Variants in KIAA1549L observed in about 807,000 individuals in gnomAD.
KIAA1549L encodes KIAA1549 like, also known as UPF0606 protein KIAA1549L.
KIAA1549L carries 88 observed loss-of-function variants against 160.7 expected under a neutral mutation model. That is an observed-to-expected ratio of 0.55 (90% CI 0.46 to 0.65). The LOEUF (loss-of-function observed/expected upper bound fraction) is 0.65. KIAA1549L is among the 30% of genes least tolerant of loss of function. The probability of loss-of-function intolerance (pLI) is 0.00; values close to 1 mark genes in which losing one functional copy is unlikely to be tolerated. For missense variants in KIAA1549L, 2,258 were observed against 2,437.5 expected, an observed-to-expected ratio of 0.93 and a Z score of 1.55; for synonymous variants, 950 against 976.7, an observed-to-expected ratio of 0.97 and a Z score of 0.51.
intron 13 of KIAA1549L, among the ~76,000 whole-genome samples, chr11:33,601,372 G>C (rs973764610): frequency 6.6e-6 from 1 of 152,042 alleles, no homozygotes; most frequent in Non-Finnish European, 1.5e-5. Flanking sequence ...ACATACACTT[G>C]TTGTTTTTAT....
chr11:33,589,276 G>T (rs1849973796), intron 11 of KIAA1549L, among the ~76,000 whole-genome samples: 5 of 152,162 alleles, frequency 3.3e-5, no homozygotes, highest in Admixed American at 3.3e-4. Flanking sequence ...TGCTGGAGAG[G>T]ATATGGAGAA....
intron 16 of KIAA1549L, among the ~76,000 whole-genome samples, chr11:33,643,917 A>T (rs754236853): frequency 7.9e-5 from 12 of 152,174 alleles, no homozygotes; most frequent in Admixed American, 3.3e-4. Context: ...GCTTTCAGGG[A>T]GCACATTTCC....
chr11:33,407,164 A>G (rs1850679477), intron 1 of KIAA1549L, among the ~76,000 whole-genome samples: 2 of 137,192 alleles, frequency 1.5e-5, no homozygotes, highest in South Asian at 4.5e-4. Flanking sequence ...GGCTCACTAC[A>G]AACTCCGCCT....
chr11:33,600,049 C>T (rs1269845458), intron 13 of KIAA1549L, among the ~76,000 whole-genome samples: 2 of 151,810 alleles, frequency 1.3e-5, no homozygotes, highest in East Asian at 1.9e-4. Flanking sequence ...AAAGAAATAA[C>T]GACACATGGA....
Position 33,588,411 on chromosome 11 carries a change from T to C in KIAA1549L, c.4567-2826T>C, listed in dbSNP as rs553876176. On this transcript the variant is annotated intron_variant, in intron 11 of 20. Transcript: ENST00000658780. Reference sequence around the variant, plus strand: ...CCTTGCCAAAGCATTTGGGGAGACATTCAAGGCCCTTCATATTTTAAATGA... The same window carrying C: ...CCTTGCCAAAGCATTTGGGGAGACACTCAAGGCCCTTCATATTTTAAATGA... 1.7e-4 allele frequency among the ~76,000 whole-genome samples: 26 copies of C among 152,208 alleles called. No individual in the cohort carries two copies. In the South Asian group the frequency reaches 3.5e-3, roughly 21 times the overall value.
At chr11:33,618,820 G>C (rs78390056) in intron 16 of KIAA1549L, among the ~76,000 whole-genome samples, 158 bp downstream of exon 16, 2 of 152,206 alleles carry the variant, frequency 1.3e-5, no homozygotes, top group Non-Finnish European at 2.9e-5. Context: ...TGCAAAGTAG[G>C]ACTACTTGGA....
chr11:33,465,842 C>T (rs908229187), intron 1 of KIAA1549L, among the ~76,000 whole-genome samples: 1 of 152,114 alleles, frequency 6.6e-6, no homozygotes, highest in African/African-American at 2.4e-5. Flanking sequence ...CAAAAATTAA[C>T]TCAAGATGGA....
chr11:33,585,098 C>T (rs1415957105), intron 11 of KIAA1549L, among the ~76,000 whole-genome samples: 1 of 152,200 alleles, frequency 6.6e-6, no homozygotes, highest in Non-Finnish European at 1.5e-5. Context: ...ACTGAAGAGC[C>T]AAATGCCAAA....
Position 33,583,400 on chromosome 11 carries a change from G to A in KIAA1549L, c.4465G>A (p.Val1489Met), listed in dbSNP as rs1481006262. The A allele has an allele frequency of 1.1e-5, 17 of 1,603,812 alleles. No individual in the cohort carries two copies. Among genetic ancestry groups the A allele is most frequent in the African/African-American group, 1.3e-5 (1 of 74,790 alleles). Reference sequence around the variant, plus strand: ...CGCTGCAGTGCTGGCGCCCATTGCCGTGGTCACGGTCATCATCATCATCAT... The same window carrying A: ...CGCTGCAGTGCTGGCGCCCATTGCCATGGTCACGGTCATCATCATCATCAT... ...IIAAVLAPIA[V>M]VTVIIIIITA... Residue 1489 changes from valine to methionine, a missense_variant, in exon 11 of 21, where the codon GTG (valine) becomes ATG (methionine). By Grantham distance (21) the Val-to-Met change is conservative (BLOSUM62 1). Transcript: ENST00000658780.
rs1854079292 is a variant in KIAA1549L, at chr11:33,542,953, G to C, written c.1390G>C (p.Ala464Pro). ...GAATTCCAGAGGGCCCGCCCTTTCG[G>C]CAGAACACACCTCTTCTTTGGTGCC... ...PENSRGPALSAEHTSSLVPSL... is the reference protein window; with the variant it reads ...PENSRGPALSPEHTSSLVPSL... The change falls in exon 2 of 21, where the codon GCA becomes CCA. Residue 464 changes from alanine to proline, a missense_variant. Ala to Pro is a conservative substitution (Grantham distance 27, BLOSUM62 -1). Transcript: ENST00000658780. 2 of 1,614,020 alleles carry C rather than the reference G, an allele frequency of 1.2e-6. No homozygotes were observed. The highest frequency in any genetic ancestry group is 2.2e-5 in the South Asian group (2 of 91,080).
At chr11:33,405,995 A>G (rs1356324049) in intron 1 of KIAA1549L, among the ~76,000 whole-genome samples, 1 of 152,206 alleles carries the variant, frequency 6.6e-6, no homozygotes, top group Non-Finnish European at 1.5e-5. Context: ...GGGTTCTCCA[A>G]GTAAGGCCAT....
rs534151450 is a variant in KIAA1549L at position 33,439,597 on chromosome 11, T to G, written c.238+62708T>G. ...TTTTTTTTTTTTTTTTTTTTTAGTATAGACGGGGTTTCACTGTGTTAGCCA... is the reference window on the plus strand; with the variant it reads ...TTTTTTTTTTTTTTTTTTTTTAGTAGAGACGGGGTTTCACTGTGTTAGCCA... On this transcript the variant is annotated intron_variant, in intron 1 of 20. Transcript: ENST00000658780. Among the ~76,000 whole-genome samples, 81 of 143,558 alleles carry G rather than the reference T, an allele frequency of 5.6e-4. No individual in the cohort carries two copies. The South Asian group carries it at 0.016, about 29-fold the overall frequency. 94.2% of individuals were successfully genotyped at this position (143,558 alleles called of 152,430 possible).
At chr11:33,414,226 C>G (rs1295052434) in intron 1 of KIAA1549L, among the ~76,000 whole-genome samples, 1 of 152,148 alleles carries the variant, frequency 6.6e-6, no homozygotes, top group Non-Finnish European at 1.5e-5. Context: ...TCCCTAAGTG[C>G]CTTCAGAATC....
chr11:33,530,436 A>AAAAT (rs1853735474), intron 1 of KIAA1549L, among the ~76,000 whole-genome samples: 2 of 11,888 alleles, frequency 1.7e-4, no homozygotes, highest in African/African-American at 3.7e-4. Flanking sequence ...AAAAAAAAAA[A>AAAAT]ATATATATAT....
intron 10 of KIAA1549L, among the ~76,000 whole-genome samples, chr11:33,579,157 C>A (rs957571056): frequency 6.6e-6 from 1 of 152,166 alleles, no homozygotes; most frequent in African/African-American, 2.4e-5. Context: ...TTTTCCCCAC[C>A]TGTAAAATGG....
At chr11:33,557,378 T>G (rs1854685154) in intron 6 of KIAA1549L, among the ~76,000 whole-genome samples, 1 of 152,142 alleles carries the variant, frequency 6.6e-6, no homozygotes, top group Admixed American at 6.5e-5. Context: ...ATTATTTTTT[T>G]AGGTGGCCGT....
intron 1 of KIAA1549L, among the ~76,000 whole-genome samples, chr11:33,402,987 T>TC (rs1227320158): frequency 4.5e-4 from 68 of 151,876 alleles, no homozygotes; most frequent in Admixed American, 4.3e-3. Flanking sequence ...TGTCACATAC[T>TC]CCCCCCTGGT....
At chr11:33,453,303 C>G (rs1437334249) in intron 1 of KIAA1549L, among the ~76,000 whole-genome samples, 1 of 152,160 alleles carries the variant, frequency 6.6e-6, no homozygotes, top group Non-Finnish European at 1.5e-5. Flanking sequence ...TTGGCTTCTT[C>G]CAGATCTTGG....
rs749141038 is a variant in KIAA1549L at position 33,559,861 on chromosome 11, C to T, written c.3968C>T (p.Ala1323Val). ...VASSLLSQLS[A>V]ELVGFYLTYP... ...AGCAGCCTCCTCAGCCAGCTCTCGG[C>T]TGAGCTGGTGGGATTCTACCTCACC... The change falls in exon 7 of 21, where the codon GCT becomes GTT. Residue 1323 changes from alanine (A) to valine (V), a missense_variant. Ala to Val is a moderately conservative substitution (Grantham distance 64, BLOSUM62 0). This residue lies in a region of KIAA1549L where 1,359 missense variants were observed against 1,546.6 expected (regional missense o/e 0.88). Transcript: ENST00000658780. 3 of 1,614,012 alleles carry T rather than the reference C, an allele frequency of 1.9e-6. No individual in the cohort carries two copies. Among genetic ancestry groups the T allele is most frequent in the Non-Finnish European group, 2.5e-6 (3 of 1,179,864 alleles).
Sources: allele counts gnomAD v4.1 joint callset (sites outside exome capture counted in the v4.1 genomes callset), GRCh38; gene constraint gnomAD v4.1.1; regional missense constraint gnomAD v4.1.1; transcripts MANE v1.5; gene names NCBI Gene and HGNC (gene_info 2026-07-23, HGNC 2026-07-21).